Variants in CLSTN2 observed in about 807,000 individuals in gnomAD.
CLSTN2 encodes the protein calsyntenin 2.
A neutral mutation model predicts 101.2 loss-of-function variants in CLSTN2; 48 were observed. The ratio of observed to expected loss-of-function variants is 0.47; its 90% CI spans 0.38 to 0.60. The LOEUF (loss-of-function observed/expected upper bound fraction) is 0.60, where lower values mean the gene tolerates loss of function less well. CLSTN2 is among the 20% of genes least tolerant of loss of function. CLSTN2 has a pLI of 0.00. For missense variants in CLSTN2, 1,160 were observed against 1,238.2 expected (o/e 0.94, Z 0.95); for synonymous variants, 481 against 463.6 (o/e 1.04, Z -0.48).
intron 2 of CLSTN2, among the ~76,000 whole-genome samples, chr3:140,392,609 A>G (rs896248278): frequency 6.6e-6 from 1 of 152,150 alleles, no homozygotes; most frequent in Non-Finnish European, 1.5e-5. Context: ...CCAACACCAC[A>G]TTCTGGCTAG....
chr3:140,024,182 A>G (rs1270029083), intron 1 of CLSTN2, among the ~76,000 whole-genome samples: 3 of 152,252 alleles, frequency 2.0e-5, no homozygotes, highest in African/African-American at 7.2e-5. Context: ...ACCTTACCAC[A>G]CTTCCTGAGG....
chr3:140,301,902 A>AT (rs11459920), intron 2 of CLSTN2, among the ~76,000 whole-genome samples: 13,238 of 146,522 alleles, frequency 0.09, 729 homozygotes, highest in East Asian at 0.25. Context: ...CCATTATAGT[A>AT]TTTTTTTTTT....
chr3:140,045,868 C>A (rs147539265), intron 1 of CLSTN2, among the ~76,000 whole-genome samples: 5,186 of 152,296 alleles, frequency 0.034, 126 homozygotes, highest in Non-Finnish European at 0.052. Flanking sequence ...TTTGATTGCA[C>A]TGTGGTCTGA....
chr3:140,132,154 A>G (rs571062742), intron 1 of CLSTN2, among the ~76,000 whole-genome samples: 2 of 152,284 alleles, frequency 1.3e-5, no homozygotes, highest in Admixed American at 6.5e-5. Flanking sequence ...AGGCTCACAT[A>G]ACTCATGTTG....
intron 1 of CLSTN2, among the ~76,000 whole-genome samples, chr3:140,146,629 A>G (rs1435906494): frequency 1.3e-5 from 2 of 152,366 alleles, no homozygotes; most frequent in East Asian, 3.9e-4. Context: ...AAAATGATCT[A>G]GTACATACTA....
chr3:140,334,156 T>C (rs935074291), intron 2 of CLSTN2, among the ~76,000 whole-genome samples: 4 of 152,108 alleles, frequency 2.6e-5, no homozygotes, highest in Non-Finnish European at 4.4e-5. Context: ...TGGAGGGGTG[T>C]CACAAATTGA....
chr3:140,128,379 A>G (rs969529036), intron 1 of CLSTN2, among the ~76,000 whole-genome samples: 1 of 152,250 alleles, frequency 6.6e-6, no homozygotes, highest in Non-Finnish European at 1.5e-5. Context: ...CTGCTCTCAA[A>G]GATGTTATCA....
intron 1 of CLSTN2, among the ~76,000 whole-genome samples, chr3:139,946,115 G>A (rs1375221251): frequency 6.6e-6 from 1 of 152,178 alleles, no homozygotes; most frequent in East Asian, 1.9e-4. Context: ...GAGGAGAAAT[G>A]AAACCCTTCA....
In CLSTN2 at chr3:139,979,078, C is replaced by T. The variant is rs1298162138; in HGVS notation, c.109+43595C>T. 5.3e-5 allele frequency among the ~76,000 whole-genome samples: 8 copies of T among 152,234 alleles called. 1 individual carries two copies. The highest frequency in any genetic ancestry group is 5.2e-4 in the Admixed American group (8 of 15,282). ...TGTACATGCCCCAGAATGTGCGCCC[C>T]GCTTTGGAGGTGGAAGGCCTAGAGA... On this transcript the variant is annotated intron_variant, in intron 1 of 16. Transcript: ENST00000458420.
At chr3:140,534,868 C>T (rs1935329853) in intron 9 of CLSTN2, among the ~76,000 whole-genome samples, 1 of 152,212 alleles carries the variant, frequency 6.6e-6, no homozygotes, top group Admixed American at 6.5e-5. Context: ...ATTTGTTTGG[C>T]TCTCTTTCCC....
chr3:140,444,650 A>G (rs1933034866), intron 5 of CLSTN2, among the ~76,000 whole-genome samples: 1 of 152,202 alleles, frequency 6.6e-6, no homozygotes, highest in Non-Finnish European at 1.5e-5. Context: ...TTTACCAATA[A>G]TATATCTATT....
At chr3:140,093,263 T>C in intron 1 of CLSTN2, among the ~76,000 whole-genome samples, 1 of 152,274 alleles carries the variant, frequency 6.6e-6, no homozygotes, top group South Asian at 2.1e-4. Flanking sequence ...GGAGTGTATT[T>C]AAAGTCCAGT....
chr3:140,159,216 A>G (rs1201150254), intron 1 of CLSTN2, among the ~76,000 whole-genome samples: 1 of 152,194 alleles, frequency 6.6e-6, no homozygotes, highest in East Asian at 1.9e-4. Context: ...AGCAAAAGAA[A>G]CTATCAACAG....
Position 140,572,856 on chromosome 3 carries a change from C to A in CLSTN2, c.*6603C>A, listed in dbSNP as rs547328311. 1 of 152,522 alleles carries A rather than the reference C, an allele frequency of 6.6e-6. No individual in the cohort carries two copies. Among genetic ancestry groups the A allele is most frequent in the African/African-American group, 2.4e-5 (1 of 41,570 alleles). 9.4% of individuals were successfully genotyped at this position (152,522 alleles called of 1,614,324 possible). The stretch of plus-strand genomic sequence containing the variant: ...TCAATGACTAGTGCAGTGAGGGTGC[C>A]AAAGCAAACCACCCCCAGCCCCCAT... On this transcript the variant is annotated 3_prime_UTR_variant, in exon 17 of 17. Coordinates refer to ENST00000458420, the MANE Select transcript of CLSTN2 (RefSeq NM_022131.3).
chr3:139,972,793 G>A (rs911469546), intron 1 of CLSTN2, among the ~76,000 whole-genome samples: 7 of 152,164 alleles, frequency 4.6e-5, no homozygotes, highest in African/African-American at 1.7e-4. Flanking sequence ...AGAGTGTGAG[G>A]ACTGTAGAAC....
chr3:140,106,349 G>T (rs1010524473), intron 1 of CLSTN2, among the ~76,000 whole-genome samples: 24 of 152,142 alleles, frequency 1.6e-4, no homozygotes. Flanking sequence ...ATCAAGAAAG[G>T]CTTCTTCCCA....
chr3:140,028,698 G>A (rs547767460), intron 1 of CLSTN2, among the ~76,000 whole-genome samples: 11 of 152,276 alleles, frequency 7.2e-5, no homozygotes, highest in African/African-American at 2.6e-4. Flanking sequence ...AATCCCCGGC[G>A]CCAAGGCCAT....
intron 8 of CLSTN2, among the ~76,000 whole-genome samples, chr3:140,492,718 A>G (rs368019060): frequency 1.1e-4 from 17 of 152,350 alleles, no homozygotes; most frequent in African/African-American, 4.1e-4. Flanking sequence ...GTATCTCTCC[A>G]TAAGAGTAGG....
Position 140,459,618 on chromosome 3 carries a change from G to A in CLSTN2, c.1071G>A (p.Lys357=). 2 of 1,614,176 alleles carry A rather than the reference G, an allele frequency of 1.2e-6. No individual in the cohort carries two copies. Among genetic ancestry groups the A allele is most frequent in the Non-Finnish European group, 1.7e-6 (2 of 1,180,018 alleles). ...TGGACAGCAGTGAGATGATCTTCAA[G>A]TTTGACGGCAGGCAGGGTGCCAAAG... ...LLVDSSEMIF[K]FDGRQGAKVP... The change falls in exon 7 of 17, where the codon AAG becomes AAA. Residue 357 remains lysine, a synonymous_variant. Coordinates refer to ENST00000458420, the MANE Select transcript of CLSTN2 (RefSeq NM_022131.3).
Sources: gnomAD v4.1 joint callset for allele counts (sites outside exome capture counted in the v4.1 genomes callset) on GRCh38, gnomAD v4.1.1 for gene constraint, MANE v1.5 for transcripts, NCBI Gene and HGNC (gene_info 2026-07-23, HGNC 2026-07-21) for gene names.